The following RASA3 variants were observed in gnomAD, a reference collection of about 807,000 sequenced individuals.
RASA3 encodes the protein ras GTPase-activating protein 3.
In RASA3, 73 loss-of-function variants were observed where a neutral mutation model predicts 110.0. The ratio of observed to expected loss-of-function variants is 0.66; its 90% CI spans 0.55 to 0.81. The LOEUF (loss-of-function observed/expected upper bound fraction) is 0.81, where lower values mean the gene tolerates loss of function less well. Among genes scored for constraint, RASA3 ranks in the 30% least tolerant of loss-of-function variants. The probability of loss-of-function intolerance (pLI) is 0.00; values close to 1 mark genes in which losing one functional copy is unlikely to be tolerated. For missense variants in RASA3, 976 were observed against 1,113.2 expected (o/e 0.88, Z 1.75); for synonymous variants, 500 against 451.4 (o/e 1.11, Z -1.37).
chr13:114,132,517 GC>G lies in RASA3; in HGVS notation c.-29del. 6.8e-7 allele frequency: 1 copy of G among 1,465,932 alleles called. No individual in the cohort carries two copies. Among genetic ancestry groups the G allele is most frequent in the Non-Finnish European group, 9.0e-7 (1 of 1,110,602 alleles). 90.8% of individuals were successfully genotyped at this position (1,465,932 alleles called of 1,614,324 possible). A position where few individuals can be genotyped will look rare whatever the true frequency, so the allele number is the denominator to read the frequency against. ...TGCGCGTCCGCGCCCGCCGAGCCTC[GC>G]CCCAAGCGCGCGCCGAGCCCGGGCA... is the stretch of plus-strand genomic sequence containing the variant. On this transcript the variant is annotated 5_prime_UTR_variant, in exon 1 of 24. Coordinates refer to ENST00000334062, the MANE Select transcript of RASA3 (RefSeq NM_007368.4).
At chr13:114,119,002 A>G (rs930508789) in intron 1 of RASA3, among the ~76,000 whole-genome samples, 4 of 152,184 alleles carry the variant, frequency 2.6e-5, no homozygotes, top group Non-Finnish European at 5.9e-5. Flanking sequence ...GGAAGAAATC[A>G]AAGTGCTTTT....
At chr13:114,098,764 G>T (rs187719871) in intron 1 of RASA3, among the ~76,000 whole-genome samples, 13 of 152,214 alleles carry the variant, frequency 8.5e-5, no homozygotes, top group Admixed American at 2.6e-4. Context: ...GAAGGCACAA[G>T]GGCGGGAGAA....
chr13:114,043,002 C>A (rs1423306901), intron 3 of RASA3, among the ~76,000 whole-genome samples: 1 of 152,226 alleles, frequency 6.6e-6, no homozygotes. Context: ...GGTCCCAGGA[C>A]GCATCTTCCC....
intron 3 of RASA3, among the ~76,000 whole-genome samples, chr13:114,051,748 C>T (rs1423932749): frequency 1.3e-5 from 2 of 151,800 alleles, no homozygotes; most frequent in South Asian, 2.1e-4. Context: ...ACAGATGCCC[C>T]GGGGAACAGC....
At chr13:114,025,315 C>T (rs944916902) in intron 7 of RASA3, among the ~76,000 whole-genome samples, 1 of 152,184 alleles carries the variant, frequency 6.6e-6, no homozygotes, top group African/African-American at 2.4e-5. Context: ...GGGCTGCTGA[C>T]GCCTCCTCCT....
intron 18 of RASA3, among the ~76,000 whole-genome samples, chr13:114,003,382 C>T (rs540831040): frequency 3.3e-5 from 5 of 152,272 alleles, no homozygotes; most frequent in Admixed American, 6.5e-5. Context: ...AGCTTCTCGG[C>T]GTCAGACACA....
In RASA3 at chr13:114,018,818, G is replaced by A. The variant is rs1393085894; in HGVS notation, c.887C>T (p.Ser296Phe). 1.7e-5 allele frequency: 28 copies of A among 1,613,698 alleles called. No homozygotes were observed. The highest frequency in any genetic ancestry group is 1.9e-5 in the Non-Finnish European group (23 of 1,180,008). ...CCGCAGAGGGCTGTAATAGTCAGAA[G>A]AAAACACGTGGTCTTCCGTGTATAC... ...NVVYTEDHVFSSDYYSPLRDL... is the reference protein window; with the variant it reads ...NVVYTEDHVFFSDYYSPLRDL... Residue 296 changes from serine to phenylalanine, a missense_variant, in exon 10 of 24, where the codon TCT becomes TTT. Around this residue, in one of 4 missense-constraint regions of RASA3, gnomAD observed 732 missense variants for 779.7 expected, o/e 0.94. Coordinates refer to ENST00000334062, the MANE Select transcript of RASA3 (RefSeq NM_007368.4).
chr13:114,080,837 GCCGT>G (rs2079773679), intron 1 of RASA3, among the ~76,000 whole-genome samples: 1 of 151,992 alleles, frequency 6.6e-6, no homozygotes, highest in South Asian at 2.1e-4. Flanking sequence ...AGGGCACAGG[GCCGT>G]CCACCTAGAA....
Position 114,017,327 on chromosome 13 carries a change from T to G in RASA3, c.1116A>C (p.Gly372=). The change falls in exon 12 of 24, where the codon GGA becomes GGC. Residue 372 remains glycine, a synonymous_variant. Coordinates refer to ENST00000334062, the MANE Select transcript of RASA3 (RefSeq NM_007368.4). ...RTQDPNTIFR[G]NSLASKCIDE... Reference sequence around the variant, plus strand: ...CGATGCACTTGGACGCCAGTGAGTTTCCTCGGAAGATGGTGTTGGGGTCCC... The same window carrying G: ...CGATGCACTTGGACGCCAGTGAGTTGCCTCGGAAGATGGTGTTGGGGTCCC... 3 of 1,613,952 alleles carry G rather than the reference T, an allele frequency of 1.9e-6. No individual in the cohort carries two copies. Among genetic ancestry groups the G allele is most frequent in the Non-Finnish European group, 2.5e-6 (3 of 1,180,014 alleles).
At chr13:114,066,897 G>T (rs542653638) in intron 2 of RASA3, among the ~76,000 whole-genome samples, 3 of 152,112 alleles carry the variant, frequency 2.0e-5, no homozygotes, top group Non-Finnish European at 4.4e-5. Context: ...TGGGGCTGAG[G>T]ATGGGCCCCC....
Position 114,018,790 on chromosome 13 carries a change from G to A in RASA3, c.915C>T (p.Asp305=). 1.2e-6 allele frequency: 2 copies of A among 1,613,502 alleles called. No individual in the cohort carries two copies. Among genetic ancestry groups the A allele is most frequent in the Non-Finnish European group, 1.7e-6 (2 of 1,179,952 alleles). ...FSSDYYSPLR[D]LLLKSADVEP... is the part of the protein sequence containing the mutation. ...CCACATCCGCAGACTTCAACAGCAG[G>A]TCCCGCAGAGGGCTGTAATAGTCAG... The change falls in exon 10 of 24, where the codon GAC becomes GAT. Residue 305 remains aspartate, a synonymous_variant. Coordinates refer to ENST00000334062, the MANE Select transcript of RASA3 (RefSeq NM_007368.4).
rs113629257 is a variant in RASA3, at chr13:113,981,439, G to A, written c.2429+236C>T. On this transcript the variant is annotated intron_variant, in intron 23 of 23. Transcript: ENST00000334062. ...AGCAGGTCAGGGAGGCAGCCCGGAC[G>A]CTGGCTGGGGGCCTGGAGAGCAAAG... is the stretch of plus-strand genomic sequence containing the variant. Among the ~76,000 whole-genome samples the A allele has an allele frequency of 5.1e-3, 773 of 152,316 alleles. 9 individuals are homozygous for A. The highest frequency in any genetic ancestry group is 0.018 in the African/African-American group (741 of 41,564).
At chr13:114,099,620 GCAGC>G (rs1322372683) in intron 1 of RASA3, among the ~76,000 whole-genome samples, 3 of 30,470 alleles carry the variant, frequency 9.8e-5, no homozygotes, top group Non-Finnish European at 1.9e-4. Context: ...AGCCCCCACA[GCAGC>G]CCCCCCACAG....
rs564081895 is a variant in RASA3, at chr13:114,047,328, A to G, written c.277+4724T>C. On this transcript the variant is annotated intron_variant, in intron 3 of 23. Transcript: ENST00000334062. Reference sequence around the variant, plus strand: ...TCGACGCCACTCTTCACGGACACGCAATAAAAGCCACAGTGAGACAGTACA... The same window carrying G: ...TCGACGCCACTCTTCACGGACACGCGATAAAAGCCACAGTGAGACAGTACA... Among the ~76,000 whole-genome samples, 50 of 152,358 alleles carry G rather than the reference A, an allele frequency of 3.3e-4. No homozygotes were observed. The South Asian group carries it at 5.2e-3, about 16-fold the overall frequency.
rs775668927 is a variant in RASA3 at position 114,007,573 on chromosome 13, C to G, written c.1702G>C (p.Asp568His). 4.3e-6 allele frequency: 7 copies of G among 1,613,446 alleles called. No homozygotes were observed. The East Asian group carries it at 1.3e-4, about 31-fold the overall frequency. The change falls in exon 18 of 24, where the codon GAC (aspartate) becomes CAC (histidine). Residue 568 changes from aspartate to histidine, a missense_variant. By Grantham distance (81) the Asp-to-His change is moderately conservative. Coordinates refer to ENST00000334062, the MANE Select transcript of RASA3 (RefSeq NM_007368.4). ...ATGGGCTGCTCAACACTCTTGGGGT[C>G]TCTTCTCCCCGAGGACGAAATCAGA... ...LDLISSSGRR[D>H]PKSVEQPIVL... is the part of the protein sequence containing the mutation.
chr13:114,045,885 T>G (rs2079044636), intron 3 of RASA3, among the ~76,000 whole-genome samples: 1 of 152,162 alleles, frequency 6.6e-6, no homozygotes, highest in Non-Finnish European at 1.5e-5. Context: ...GTGCAAAATG[T>G]GTAGGCTGAA....
chr13:114,040,419 C>T (rs1376631317), intron 4 of RASA3, among the ~76,000 whole-genome samples: 39 of 17,558 alleles, frequency 2.2e-3, no homozygotes, highest in Non-Finnish European at 2.9e-3. Context: ...TGGCAGAGAC[C>T]GCGCTCACTC....
At position 114,056,535 on chromosome 13, in the gene RASA3, A is replaced by T; in HGVS notation, c.174-4380T>A. ...AGCGGGGTGTTCAGTTGCTCTGCCA[A>T]AGGCTCTGCACAAGTGGCTCCTCTC... On this transcript the variant is annotated intron_variant, in intron 2 of 23. Coordinates refer to ENST00000334062, the MANE Select transcript of RASA3 (RefSeq NM_007368.4). The surrounding 1 kb of genome is among the most constrained non-coding windows in gnomAD (Gnocchi z 5.7). 2 of 984,360 alleles carry T rather than the reference A, an allele frequency of 2.0e-6. No individual in the cohort carries two copies. The highest frequency in any genetic ancestry group is 9.4e-5 in the South Asian group (2 of 21,258). 61.0% of individuals were successfully genotyped at this position (984,360 alleles called of 1,614,324 possible).
chr13:114,112,061 C>G lies in RASA3; in HGVS notation c.55+20374G>C, dbSNP rs182116814. 5.0e-4 allele frequency among the ~76,000 whole-genome samples: 76 copies of G among 151,420 alleles called. No homozygotes were observed. The highest frequency in any genetic ancestry group is 4.8e-3 in the Admixed American group (73 of 15,146). On this transcript the variant is annotated intron_variant, in intron 1 of 23. Coordinates refer to ENST00000334062, the MANE Select transcript of RASA3 (RefSeq NM_007368.4). This position sits in a 1 kb window ranked among gnomAD's most constrained non-coding sequence, Gnocchi z 4.8. ...CCTTTGTGTGGTCCCGTAAGTGACA[C>G]TGTCCCTCCCTCTCCCTGGAAACAG...
Sources: allele counts gnomAD v4.1 joint callset (sites outside exome capture counted in the v4.1 genomes callset), GRCh38; gene constraint gnomAD v4.1.1; regional missense constraint gnomAD v4.1.1; non-coding constraint Gnocchi (gnomAD v3.1); transcripts MANE v1.5; gene names NCBI Gene and HGNC (gene_info 2026-07-23, HGNC 2026-07-21).